Variants in SPEF2 observed in about 807,000 individuals in gnomAD.
SPEF2 encodes sperm flagellar and cilia associated 2, also known as sperm flagella and cilia-associated protein 2.
In SPEF2, 187 loss-of-function variants were observed where a neutral mutation model predicts 224.6. That is an observed-to-expected ratio of 0.83 (90% CI 0.74 to 0.94). The LOEUF (loss-of-function observed/expected upper bound fraction) is 0.94, where lower values mean the gene tolerates loss of function less well. SPEF2 is among the 40% of genes least tolerant of loss of function. The pLI, the probability that SPEF2 is intolerant of heterozygous loss-of-function variation, is 0.00. For synonymous variants in SPEF2, 715 were observed against 707.3 expected, an observed-to-expected ratio of 1.01 and a Z score of -0.17; for missense variants, 2,170 against 2,135.6, an observed-to-expected ratio of 1.02 and a Z score of -0.32.
chr5:35,657,436 A>C (rs943358030), intron 7 of SPEF2, among the ~76,000 whole-genome samples: 1 of 151,822 alleles, frequency 6.6e-6, no homozygotes, highest in Non-Finnish European at 1.5e-5. Flanking sequence ...ATTGGTAGGG[A>C]GGGGCTGATG....
intron 1 of SPEF2, among the ~76,000 whole-genome samples, chr5:35,626,664 G>A (rs1744303035): frequency 6.6e-6 from 1 of 152,154 alleles, no homozygotes; most frequent in Non-Finnish European, 1.5e-5. Context: ...AGCTCACCCT[G>A]AGTACATAGA....
chr5:35,773,768 A>G lies in SPEF2; in HGVS notation c.3950-125A>G, dbSNP rs75163022. Reference sequence around the variant, plus strand: ...CAGATGCTGGGAGGACCAAGGTTTCATTGTTTCCGAATCACTAGAGGTTTA... The same window carrying G: ...CAGATGCTGGGAGGACCAAGGTTTCGTTGTTTCCGAATCACTAGAGGTTTA... On this transcript the variant is annotated intron_variant, in intron 27 of 36. Coordinates refer to ENST00000356031, the MANE Select transcript of SPEF2 (RefSeq NM_024867.4). 2,495 of 1,131,124 alleles carry G rather than the reference A, an allele frequency of 2.2e-3. 50 individuals carry two copies. The African/African-American group carries it at 0.034, about 15-fold the overall frequency. The allele number at this position is 1,131,124 out of a possible 1,614,324, so 70.1% of individuals were successfully genotyped here.
At chr5:35,698,746 G>A (rs572713764) in intron 15 of SPEF2, 1 of 152,180 alleles carries the variant, frequency 6.6e-6, no homozygotes, top group South Asian at 2.1e-4. Context: ...ACAGTTCAGT[G>A]AGGTGCTCCA....
chr5:35,781,138 G>A lies in SPEF2; in HGVS notation c.4447+1792G>A, dbSNP rs754491598. On this transcript the variant is annotated intron_variant, in intron 30 of 36. Transcript: ENST00000356031. ...TAAAGGAAGGGAGGGAGGGAGAAAC[G>A]GAGTTGTTTTTTTTTTAATTTTTAT... is the stretch of plus-strand genomic sequence containing the variant. Among the ~76,000 whole-genome samples the A allele has an allele frequency of 5.3e-5, 8 of 151,786 alleles. No homozygotes were observed. The East Asian group carries it at 1.2e-3, about 22-fold the overall frequency.
At chr5:35,651,764 T>A (rs1302175447) in intron 6 of SPEF2, among the ~76,000 whole-genome samples, 1 of 152,198 alleles carries the variant, frequency 6.6e-6, no homozygotes, top group Admixed American at 6.5e-5. Flanking sequence ...GCTGCCTTTT[T>A]CATAGCCTGC....
chr5:35,687,862 T>C (rs1322942992), intron 10 of SPEF2, among the ~76,000 whole-genome samples: 1 of 152,196 alleles, frequency 6.6e-6, no homozygotes, highest in Non-Finnish European at 1.5e-5. Flanking sequence ...ATACAGAATC[T>C]ATACATTTTT....
chr5:35,809,636 G>C (rs1044189972), intron 36 of SPEF2, among the ~76,000 whole-genome samples: 1 of 152,148 alleles, frequency 6.6e-6, no homozygotes, highest in Non-Finnish European at 1.5e-5. Flanking sequence ...CATTAAATTG[G>C]TCAGATCAGG....
In SPEF2 at chr5:35,770,547, T is replaced by G. The variant is rs568415583; in HGVS notation, c.3802-1062T>G. The stretch of plus-strand genomic sequence containing the variant: ...CCACCCCAGCCCCTGGTAACCACTC[T>G]TGTACACTCTACTTCTATGCTTTGA... On this transcript the variant is annotated intron_variant, in intron 26 of 36. Transcript: ENST00000356031. 4.7e-3 allele frequency among the ~76,000 whole-genome samples: 723 copies of G among 152,290 alleles called. 5 individuals carry two copies. Among genetic ancestry groups the G allele is most frequent in the African/African-American group, 0.017 (686 of 41,574 alleles).
At chr5:35,678,526 C>G (rs1182415618) in intron 10 of SPEF2, 1 of 152,252 alleles carries the variant, frequency 6.6e-6, no homozygotes, top group African/African-American at 2.4e-5. Flanking sequence ...CCTCTGGAAT[C>G]TGAAGGCCAG....
chr5:35,805,909 T>C (rs1306665711), intron 34 of SPEF2, among the ~76,000 whole-genome samples: 6 of 152,174 alleles, frequency 3.9e-5, no homozygotes, highest in Admixed American at 3.9e-4. Context: ...AATGTAATAC[T>C]ACATTGCAGA....
chr5:35,797,667 A>C (rs1371644250), intron 33 of SPEF2, among the ~76,000 whole-genome samples: 5 of 152,200 alleles, frequency 3.3e-5, no homozygotes, highest in Admixed American at 6.5e-5. Flanking sequence ...CAGGTTAACT[A>C]TACATGGTTA....
At chr5:35,713,887 G>T (rs1323518192) in intron 20 of SPEF2, among the ~76,000 whole-genome samples, 3 of 33,124 alleles carry the variant, frequency 9.1e-5, no homozygotes, top group African/African-American at 1.9e-4. Flanking sequence ...TTTATATATA[G>T]TATATATGTT....
chr5:35,812,010 G>T (rs550613875), intron 36 of SPEF2, among the ~76,000 whole-genome samples: 1 of 151,796 alleles, frequency 6.6e-6, no homozygotes, highest in Non-Finnish European at 1.5e-5. Context: ...GGATGGTCTC[G>T]ATCCCCTGAT....
At chr5:35,768,941 G>A (rs1454656856) in intron 26 of SPEF2, among the ~76,000 whole-genome samples, 1 of 151,992 alleles carries the variant, frequency 6.6e-6, no homozygotes, top group African/African-American at 2.4e-5. Context: ...TTAATTTTTG[G>A]CAAAACTTTC....
At chr5:35,786,660 CA>C (rs575585018) in intron 30 of SPEF2, among the ~76,000 whole-genome samples, 2 of 145,770 alleles carry the variant, frequency 1.4e-5, no homozygotes, top group African/African-American at 5.1e-5. Flanking sequence ...GACTCCATCT[CA>C]AAAAAAAACA....
At chr5:35,700,423 A>G (rs1258319702) in intron 15 of SPEF2, 73 bp from the exon 16 acceptor site, 6 of 1,351,654 alleles carry the variant, frequency 4.4e-6, no homozygotes, top group Non-Finnish European at 6.1e-6. Context: ...AAGAAAAAGG[A>G]AAGATTCATC....
chr5:35,807,370 C>A, intron 36 of SPEF2, 117 bp downstream of exon 36: 1 of 1,405,542 alleles, frequency 7.1e-7, no homozygotes, highest in Non-Finnish European at 9.6e-7. Flanking sequence ...CCAGGCCAGG[C>A]CAGAATCTGG....
In SPEF2 at chr5:35,694,291, CCACAACATGTATTTT is replaced by C. The variant is rs1301374793; in HGVS notation, c.1906_1920del (p.Gln636_Ser640del). 6.2e-7 allele frequency: 1 copy of C among 1,613,072 alleles called. No individual in the cohort carries two copies. The highest frequency in any genetic ancestry group is 2.2e-5 in the East Asian group (1 of 44,834). ...TATGTGTGTTTTCTCTCCAAAGGATCCACAACATGTATTTTCAGCTGGTCCAGTTTCAGATGAAGT... is the reference window on the plus strand; with the variant it reads ...TATGTGTGTTTTCTCTCCAAAGGATCCAGCTGGTCCAGTTTCAGATGAAGT... On this transcript the variant is annotated inframe_deletion, in exon 13 of 37. Coordinates refer to ENST00000356031, the MANE Select transcript of SPEF2 (RefSeq NM_024867.4).
chr5:35,624,115 C>T (rs1370250781), intron 1 of SPEF2, among the ~76,000 whole-genome samples: 1 of 152,138 alleles, frequency 6.6e-6, no homozygotes, highest in Admixed American at 6.5e-5. Flanking sequence ...TGGCTAAGGG[C>T]CATTTTGATG....
Sources: gnomAD v4.1 joint callset for allele counts (sites outside exome capture counted in the v4.1 genomes callset) on GRCh38, gnomAD v4.1.1 for gene constraint, MANE v1.5 for transcripts, NCBI Gene and HGNC (gene_info 2026-07-23, HGNC 2026-07-21) for gene names.